CCDC30: variants seen among roughly 807,000 people sequenced by gnomAD.
The protein encoded by CCDC30 is coiled-coil domain containing 30.
CCDC30 carries 70 observed loss-of-function variants against 100.2 expected under a neutral mutation model. The observed-to-expected ratio is 0.70, with a 90% CI of 0.58 to 0.85. The LOEUF (loss-of-function observed/expected upper bound fraction) is 0.85. CCDC30 is among the 40% of genes least tolerant of loss of function. The pLI is 0.00. For missense variants in CCDC30, 652 were observed against 771.2 expected, an observed-to-expected ratio of 0.85 and a Z score of 1.83; for synonymous variants, 233 against 269.5, an observed-to-expected ratio of 0.86 and a Z score of 1.33.
chr1:42,580,913 T>C (rs1645950787), intron 8 of CCDC30: 2 of 454,422 alleles, frequency 4.4e-6, no homozygotes, highest in Admixed American at 2.4e-5. Flanking sequence ...GTCTAATACC[T>C]GTGGAGGCAG....
At chr1:42,493,215 A>G (rs1018745431) in intron 4 of CCDC30, among the ~76,000 whole-genome samples, 1 of 152,064 alleles carries the variant, frequency 6.6e-6, no homozygotes, top group African/African-American at 2.4e-5. Flanking sequence ...TAATAAGAAT[A>G]AGAAGAATAA....
chr1:42,607,316 A>G (rs1296811309), intron 10 of CCDC30, among the ~76,000 whole-genome samples: 1 of 152,186 alleles, frequency 6.6e-6, no homozygotes, highest in East Asian at 1.9e-4. Flanking sequence ...AGCTTTAAAA[A>G]GGGTGGTTTG....
At chr1:42,605,896 C>T (rs1349940999) in intron 10 of CCDC30, among the ~76,000 whole-genome samples, 1 of 152,100 alleles carries the variant, frequency 6.6e-6, no homozygotes, top group Non-Finnish European at 1.5e-5. Context: ...CTGTGAACAA[C>T]ATGGGTTTGA....
chr1:42,610,932 T>C (rs1199056097), intron 10 of CCDC30, 46 bp from the exon 15 acceptor site: 3 of 922,464 alleles, frequency 3.3e-6, no homozygotes, highest in Admixed American at 3.9e-5. Flanking sequence ...TTCAACATCA[T>C]ACCTTTGTCA....
chr1:42,466,545 T>C (rs1295804124), intron 1 of CCDC30, among the ~76,000 whole-genome samples: 1 of 133,452 alleles, frequency 7.5e-6, no homozygotes, highest in African/African-American at 2.9e-5. Context: ...TTTGTTGTTG[T>C]TGTTTTGTTT....
At chr1:42,543,288 T>C (rs558750961) in intron 6 of CCDC30, among the ~76,000 whole-genome samples, 33 of 150,902 alleles carry the variant, frequency 2.2e-4, no homozygotes, top group South Asian at 6.4e-4. Context: ...TTTTTTTTTT[T>C]CCCCTCCTTC....
chr1:42,497,376 C>A (rs537276916), intron 5 of CCDC30, among the ~76,000 whole-genome samples, 163 bp downstream of exon 5: 21 of 152,206 alleles, frequency 1.4e-4, no homozygotes, highest in African/African-American at 5.1e-4. Flanking sequence ...TAGATGCATT[C>A]TATCTGTACT....
At chr1:42,486,591 G>A (rs1040627672) in intron 3 of CCDC30, among the ~76,000 whole-genome samples, 2 of 152,182 alleles carry the variant, frequency 1.3e-5, no homozygotes, top group African/African-American at 4.8e-5. Context: ...GTTCACTGCT[G>A]GAGACATATC....
At chr1:42,550,618 G>T (rs1415792585) in intron 6 of CCDC30, among the ~76,000 whole-genome samples, 4 of 152,192 alleles carry the variant, frequency 2.6e-5, no homozygotes, top group Non-Finnish European at 4.4e-5. Flanking sequence ...TCTCAGAGTG[G>T]TAATTCCTAA....
chr1:42,521,893 A>T (rs1044348277), intron 6 of CCDC30, among the ~76,000 whole-genome samples: 4 of 152,120 alleles, frequency 2.6e-5, no homozygotes, highest in African/African-American at 9.6e-5. Flanking sequence ...TAATTTGGTT[A>T]CTATTTGCAT....
intron 8 of CCDC30, among the ~76,000 whole-genome samples, chr1:42,579,745 C>G (rs1425518564): frequency 6.6e-6 from 1 of 151,786 alleles, no homozygotes; most frequent in African/African-American, 2.4e-5. Flanking sequence ...ACCTGTAATC[C>G]CAGCACTTTG....
chr1:42,524,629 G>C (rs1358128015), intron 6 of CCDC30, among the ~76,000 whole-genome samples: 1 of 152,140 alleles, frequency 6.6e-6, no homozygotes, highest in East Asian at 1.9e-4. Flanking sequence ...AAGCATCCTT[G>C]TTGTCCATTT....
At chr1:42,527,967 G>A (rs1052552802) in intron 6 of CCDC30, among the ~76,000 whole-genome samples, 8 of 152,084 alleles carry the variant, frequency 5.3e-5, no homozygotes, top group African/African-American at 1.2e-4. Flanking sequence ...CCGGGTTCAA[G>A]TGATTCTCCT....
chr1:42,491,840 A>G, intron 4 of CCDC30: 1 of 347,544 alleles, frequency 2.9e-6, no homozygotes. Context: ...GTGATGTAAA[A>G]GCACTTGCTA....
chr1:42,499,190 A>G (rs986533160), intron 6 of CCDC30, among the ~76,000 whole-genome samples: 17 of 152,338 alleles, frequency 1.1e-4, no homozygotes, highest in Middle Eastern at 6.8e-3. Flanking sequence ...ATTTGAGCAT[A>G]TCATGGAGAA....
At chr1:42,644,905 G>A (rs967751763) in intron 14 of CCDC30, 98 bp downstream of exon 18, 5 of 767,670 alleles carry the variant, frequency 6.5e-6, no homozygotes, top group Non-Finnish European at 1.1e-5. Context: ...TATAGCTGTA[G>A]CTGGGCTCTT....
At chr1:42,653,472 A>G in intron 16 of CCDC30, 29 bp downstream of exon 20, 3 of 1,394,538 alleles carry the variant, frequency 2.2e-6, no homozygotes, top group Non-Finnish European at 3.0e-6. Flanking sequence ...AATAAAGTCA[A>G]GTCTATCTGA....
chr1:42,594,639 T>C (rs1646250094), intron 10 of CCDC30: 1 of 152,218 alleles, frequency 6.6e-6, no homozygotes, highest in Admixed American at 6.5e-5. Flanking sequence ...CAGTATGCTA[T>C]GATTGCATAT....
intron 6 of CCDC30, among the ~76,000 whole-genome samples, chr1:42,546,425 T>A (rs867973618): frequency 0.02 from 1,703 of 85,734 alleles, 152 homozygotes; most frequent in African/African-American, 0.035. Context: ...TATATATATA[T>A]ATATATATAT....
Sources: allele counts gnomAD v4.1 joint callset (sites outside exome capture counted in the v4.1 genomes callset), GRCh38; gene constraint gnomAD v4.1.1; transcripts MANE v1.5; gene names NCBI Gene and HGNC (gene_info 2026-07-23, HGNC 2026-07-21).